CDC16: variants seen among roughly 807,000 people sequenced by gnomAD.
The protein encoded by CDC16 is cell division cycle 16.
CDC16 carries 34 observed loss-of-function variants against 87.0 expected under a neutral mutation model. The ratio of observed to expected loss-of-function variants is 0.39; its 90% confidence interval spans 0.30 to 0.52. The LOEUF (loss-of-function observed/expected upper bound fraction) is 0.52. CDC16 is among the 20% of genes least tolerant of loss of function. The pLI, the probability that CDC16 is intolerant of heterozygous loss-of-function variation, is 0.74. For missense variants in CDC16, 653 were observed against 751.9 expected, an observed-to-expected ratio of 0.87 and a Z score of 1.54; for synonymous variants, 263 against 260.6, an observed-to-expected ratio of 1.01 and a Z score of -0.09.
At chr13:114,257,033 TCA>T (rs1403757838) in intron 12 of CDC16, 43 bp from the exon 13 acceptor site, 1 of 1,323,172 alleles carries the variant, frequency 7.6e-7, no homozygotes, top group African/African-American at 1.5e-5. Context: ...TTCTGCTAAA[TCA>T]CAGTTTTTGG....
rs769657407 is a variant in CDC16 at position 114,236,607 on chromosome 13, CAG to C, written c.49-37_49-36del. 7 of 1,580,436 alleles carry C rather than the reference CAG, an allele frequency of 4.4e-6. No individual in the cohort carries two copies. The East Asian group carries it at 1.1e-4, about 25-fold the overall frequency. On this transcript the variant is annotated intron_variant, in intron 1 of 17. Transcript: ENST00000356221. ...TAACTGTTTAAGACTATTAAAATAA[CAG>C]GGCAGTTACCACCTTTTTTTTTTTT...
At chr13:114,251,324 G>C (rs1410323613) in intron 12 of CDC16, among the ~76,000 whole-genome samples, 1 of 152,168 alleles carries the variant, frequency 6.6e-6, no homozygotes, top group African/African-American at 2.4e-5. Flanking sequence ...CGTTGGGCAA[G>C]TTTTTTAGCC....
intron 5 of CDC16, among the ~76,000 whole-genome samples, chr13:114,241,208 C>G (rs1327217911): frequency 6.6e-6 from 1 of 152,126 alleles, no homozygotes; most frequent in Non-Finnish European, 1.5e-5. Flanking sequence ...GCATCTCTAG[C>G]CCTCACAGAC....
rs371489458 is a variant in CDC16 at position 114,236,930 on chromosome 13, A to G, written c.201+34A>G. ...TGGTATGAACTTTAAAGCTCTTCAG[A>G]GCTTTAAAAAAAATGTCATTAGTGG... On this transcript the variant is annotated intron_variant, in intron 3 of 17. Transcript: ENST00000356221. The G allele has an allele frequency of 1.2e-3, 1,608 of 1,395,946 alleles. 2 individuals are homozygous for G. The highest frequency in any genetic ancestry group is 1.5e-3 in the Non-Finnish European group (1,530 of 1,017,548). The allele number at this position is 1,395,946 out of a possible 1,614,324, so 86.5% of individuals were successfully genotyped here.
chr13:114,257,432 T>G (rs1281725428), intron 13 of CDC16, among the ~76,000 whole-genome samples: 1 of 152,228 alleles, frequency 6.6e-6, no homozygotes, highest in Non-Finnish European at 1.5e-5. Context: ...GTTTTGGTCT[T>G]TTTTTGATCT....
At position 114,243,297 on chromosome 13, in the gene CDC16, T is replaced by C. The variant is rs777836039; in HGVS notation, c.582T>C (p.Cys194=). Residue 194 remains cysteine, a synonymous_variant, in exon 7 of 18, where the codon TGT becomes TGC. Coordinates refer to ENST00000356221, the MANE Select transcript of CDC16 (RefSeq NM_001078645.3). The part of the protein sequence containing the change: ...LLESLPLSKL[C]NEEQELLRFL... Reference sequence around the variant, plus strand: ...AATCACTACCCCTTAGCAAGCTGTGTAATGAAGAACAGGAATTGCTGCGTT... The same window carrying C: ...AATCACTACCCCTTAGCAAGCTGTGCAATGAAGAACAGGAATTGCTGCGTT... 1 of 1,595,106 alleles carries C rather than the reference T, an allele frequency of 6.3e-7. No individual in the cohort carries two copies. The highest frequency in any genetic ancestry group is 8.6e-7 in the Non-Finnish European group (1 of 1,163,216).
chr13:114,239,235 T>C, intron 4 of CDC16, 115 bp from the exon 5 acceptor site: 2 of 1,476,126 alleles, frequency 1.4e-6, no homozygotes, highest in Non-Finnish European at 1.8e-6. Context: ...AATTCTACTT[T>C]AGACATTTCA....
At chr13:114,257,033 T>G in intron 12 of CDC16, 45 bp from the exon 13 acceptor site, 4 of 1,323,290 alleles carry the variant, frequency 3.0e-6, no homozygotes, top group Non-Finnish European at 4.2e-6. Flanking sequence ...TTCTGCTAAA[T>G]CACAGTTTTT....
chr13:114,245,901 A>C, intron 9 of CDC16, 99 bp from the exon 10 acceptor site: 2 of 686,136 alleles, frequency 2.9e-6, no homozygotes, highest in South Asian at 3.4e-5. Context: ...TCATTGCTGT[A>C]AGAGCAGAAT....
At position 114,259,361 on chromosome 13, in the gene CDC16, T is replaced by C; in HGVS notation, c.1277T>C (p.Leu426Pro). 3.8e-6 allele frequency: 6 copies of C among 1,577,424 alleles called. No homozygotes were observed. Among genetic ancestry groups the C allele is most frequent in the Non-Finnish European group, 5.1e-6 (6 of 1,170,596 alleles). ...GEWKTAEKWF[L>P]DALEKIKAIG... Reference sequence around the variant, plus strand: ...TGGAAAACAGCCGAAAAATGGTTTCTTGATGCTTTGGAAAAAATTAAAGCA... The same window carrying C: ...TGGAAAACAGCCGAAAAATGGTTTCCTGATGCTTTGGAAAAAATTAAAGCA... Residue 426 changes from leucine (L) to proline (P), a missense_variant, in exon 14 of 18, where the codon CTT becomes CCT. Leu to Pro is a moderately conservative substitution (Grantham distance 98, BLOSUM62 -3). Transcript: ENST00000356221.
intron 14 of CDC16, among the ~76,000 whole-genome samples, chr13:114,259,740 A>G (rs181651113): frequency 3.9e-5 from 6 of 152,348 alleles, no homozygotes; most frequent in Admixed American, 1.3e-4. Context: ...ATATTCCTCT[A>G]GAACTTCAGA....
At chr13:114,260,682 A>G (rs1377286241) in intron 14 of CDC16, among the ~76,000 whole-genome samples, 2 of 152,236 alleles carry the variant, frequency 1.3e-5, no homozygotes, top group African/African-American at 4.8e-5. Context: ...AAATGTCAAA[A>G]TGCTCATTAA....
At chr13:114,245,830 T>C (rs746156926) in intron 9 of CDC16, 170 bp from the exon 10 acceptor site, 12 of 563,650 alleles carry the variant, frequency 2.1e-5, no homozygotes, top group Non-Finnish European at 3.8e-5. Context: ...CAGTGTGTCC[T>C]TCATCTAACT....
At chr13:114,245,043 C>G (rs1478840862) in intron 9 of CDC16, 74 bp downstream of exon 9, 1 of 864,018 alleles carries the variant, frequency 1.2e-6, no homozygotes, top group Non-Finnish European at 1.8e-6. Flanking sequence ...AATTTTGTCT[C>G]TGAAATTCTG....
rs188294297 is a variant in CDC16, at chr13:114,239,345, C to T, written c.241-5C>T. The T allele has an allele frequency of 1.4e-4, 223 of 1,594,562 alleles. No individual in the cohort carries two copies. The African/African-American group carries it at 2.6e-3, about 18-fold the overall frequency. The stretch of plus-strand genomic sequence containing the variant: ...TGATGAGCGGCACTTCTGTTTTCCA[C>T]GTAGTATGCTGCAAAAGAGCACCAG... On this transcript the variant is annotated splice_polypyrimidine_tract_variant and splice_region_variant and intron_variant, in intron 4 of 17. Transcript: ENST00000356221.
chr13:114,250,158 A>G (rs1045873104), intron 11 of CDC16, among the ~76,000 whole-genome samples: 3 of 152,136 alleles, frequency 2.0e-5, no homozygotes, highest in African/African-American at 7.2e-5. Flanking sequence ...ACTGCATTCC[A>G]GCCTCCAGCG....
chr13:114,243,415 A>G (rs1378234221), intron 7 of CDC16, 67 bp downstream of exon 7: 13 of 790,618 alleles, frequency 1.6e-5, no homozygotes, highest in Non-Finnish European at 2.9e-5. Context: ...TTTGGCATCT[A>G]GTCTTATATT....
chr13:114,245,882 A>G (rs1362075041), intron 9 of CDC16, 118 bp from the exon 10 acceptor site: 1 of 642,176 alleles, frequency 1.6e-6, no homozygotes, highest in Non-Finnish European at 2.7e-6. Context: ...AGGAAAGACA[A>G]GTATGAAATC....
chr13:114,247,035 A>C, intron 11 of CDC16, 31 bp downstream of exon 11: 1 of 1,396,978 alleles, frequency 7.2e-7, no homozygotes, highest in East Asian at 2.3e-5. Flanking sequence ...TCTCTAGTTA[A>C]CCTGTAGAAT....
Sources: gnomAD v4.1 joint callset for allele counts (sites outside exome capture counted in the v4.1 genomes callset) on GRCh38, gnomAD v4.1.1 for gene constraint, MANE v1.5 for transcripts, NCBI Gene and HGNC (gene_info 2026-07-23, HGNC 2026-07-21) for gene names.